Variants in KRT20 observed in about 807,000 individuals in gnomAD.
KRT20 encodes the protein keratin 20.
In KRT20, 41 loss-of-function variants were observed where a neutral mutation model predicts 43.0. The ratio of observed to expected loss-of-function variants is 0.95; its 90% CI spans 0.74 to 1.24. KRT20 has a LOEUF of 1.24. Ranked by LOEUF, KRT20 falls within the 50% of genes most tolerant of loss-of-function variation. The probability of loss-of-function intolerance (pLI) is 0.00; values close to 1 mark genes in which losing one functional copy is unlikely to be tolerated. For synonymous variants in KRT20, 207 were observed against 200.6 expected (o/e 1.03, Z -0.27); for missense variants, 533 against 521.2 (o/e 1.02, Z -0.22).
intron 3 of KRT20, 92 bp downstream of exon 3, chr17:40,880,522 C>T (rs1907547764): frequency 9.0e-6 from 10 of 1,113,504 alleles, no homozygotes; most frequent in South Asian, 7.2e-5. Context: ...ACCAACTCTT[C>T]CCCCTTCTCC....
At position 40,884,832 on chromosome 17, in the gene KRT20, A is replaced by C. The variant is rs1385183897; in HGVS notation, c.354T>G (p.Ser118Arg). The C allele has an allele frequency of 3.1e-6, 5 of 1,614,178 alleles. No individual in the cohort carries two copies. The East Asian group carries it at 6.7e-5, about 22-fold the overall frequency. The change falls in exon 1 of 8, where the codon AGT becomes AGG. Residue 118 changes from serine (S) to arginine (R), a missense_variant. By Grantham distance (110) the Ser-to-Arg change is moderately radical (BLOSUM62 -1). Coordinates refer to ENST00000167588, the MANE Select transcript of KRT20 (RefSeq NM_019010.3). ...GCTCTTCAATTTGTCTGTAATATGCACTGTAGTCGCGACCAGCCCTCGGGG... is the reference window on the plus strand; with the variant it reads ...GCTCTTCAATTTGTCTGTAATATGCCCTGTAGTCGCGACCAGCCCTCGGGG... ...TNAPRAGRDYSAYYRQIEELR... is the reference protein window; with the variant it reads ...TNAPRAGRDYRAYYRQIEELR...
chr17:40,883,760 C>A (rs920876140), intron 1 of KRT20, among the ~76,000 whole-genome samples: 6 of 152,168 alleles, frequency 3.9e-5, no homozygotes, highest in Non-Finnish European at 7.3e-5. Context: ...GTCAGAAACA[C>A]GAGACAGGTG....
chr17:40,881,719 C>T (rs979463796), intron 2 of KRT20, among the ~76,000 whole-genome samples: 1 of 152,170 alleles, frequency 6.6e-6, no homozygotes, highest in Non-Finnish European at 1.5e-5. Context: ...CCCTTCTAAC[C>T]ACAAAGGGCT....
chr17:40,882,697 A>G, intron 1 of KRT20, 43 bp from the exon 2 acceptor site: 1 of 546,122 alleles, frequency 1.8e-6, no homozygotes, highest in South Asian at 5.0e-5. Flanking sequence ...TTTTTTATTT[A>G]TTTATTTATT....
chr17:40,882,945 G>A (rs571088122), intron 1 of KRT20, among the ~76,000 whole-genome samples: 10 of 152,030 alleles, frequency 6.6e-5, no homozygotes, highest in African/African-American at 2.4e-4. Flanking sequence ...TCTGACCTCA[G>A]GTGATCTGCC....
At position 40,879,797 on chromosome 17, in the gene KRT20, G is replaced by A; in HGVS notation, c.918+16C>T. ...ACACATACTAGATTGAGAAAGAGAA[G>A]TTAGATATGCTTTACCATGCTGAGA... On this transcript the variant is annotated intron_variant, in intron 5 of 7. Coordinates refer to ENST00000167588, the MANE Select transcript of KRT20 (RefSeq NM_019010.3). The A allele has an allele frequency of 6.2e-7, 1 of 1,612,588 alleles. No homozygotes were observed. Among genetic ancestry groups the A allele is most frequent in the Non-Finnish European group, 8.5e-7 (1 of 1,179,702 alleles).
rs368517725 is a variant in KRT20 at position 40,882,663 on chromosome 17, T to C, written c.391-9A>G. On this transcript the variant is annotated splice_polypyrimidine_tract_variant and intron_variant, in intron 1 of 7. Coordinates refer to ENST00000167588, the MANE Select transcript of KRT20 (RefSeq NM_019010.3). ...AGTTGAGCATCCTTAATCTGGAAAA[T>C]ACATGAGAAAGAATGACATTTTCTT... 2.9e-5 allele frequency: 39 copies of C among 1,338,292 alleles called. No individual in the cohort carries two copies. Among genetic ancestry groups the C allele is most frequent in the Admixed American group, 9.8e-5 (4 of 40,660 alleles). 82.9% of individuals were successfully genotyped at this position (1,338,292 alleles called of 1,614,324 possible).
chr17:40,881,294 G>A (rs750818635), intron 2 of KRT20, among the ~76,000 whole-genome samples: 4 of 150,890 alleles, frequency 2.7e-5, no homozygotes, highest in Non-Finnish European at 5.9e-5. Flanking sequence ...TGTCACTCAG[G>A]CTGGAGTACA....
At position 40,884,659 on chromosome 17, in the gene KRT20, A is replaced by G. The variant is rs1907727673; in HGVS notation, c.390+137T>C. 4.3e-6 allele frequency: 4 copies of G among 930,746 alleles called. No homozygotes were observed. In the East Asian group the frequency reaches 1.0e-4, roughly 23 times the overall value. 57.7% of individuals were successfully genotyped at this position (930,746 alleles called of 1,614,324 possible). The stretch of plus-strand genomic sequence containing the variant: ...TCAGGTACTCCAGCACTAAAGGTAG[A>G]TGAAAGAATTTTTATAGATGTAACA... On this transcript the variant is annotated intron_variant, in intron 1 of 7. Transcript: ENST00000167588.
Position 40,885,002 on chromosome 17 carries a change from C to T in KRT20, c.184G>A (p.Gly62Ser), listed in dbSNP as rs1422088148. 1.9e-6 allele frequency: 3 copies of T among 1,614,182 alleles called. No individual in the cohort carries two copies. The highest frequency in any genetic ancestry group is 1.7e-5 in the Admixed American group (1 of 60,018). The change falls in exon 1 of 8, where the codon GGC (glycine) becomes AGC (serine). Residue 62 changes from glycine to serine, a missense_variant. By Grantham distance (56) the Gly-to-Ser change is moderately conservative. Coordinates refer to ENST00000167588, the MANE Select transcript of KRT20 (RefSeq NM_019010.3). Reference sequence around the variant, plus strand: ...TCATTGCCAACAAACAGGTCCCCGCCGCCTGTGAGATCGCTCCCATAGTTC... The same window carrying T: ...TCATTGCCAACAAACAGGTCCCCGCTGCCTGTGAGATCGCTCCCATAGTTC... Reference protein sequence around the residue: ...TVNYGSDLTGGGDLFVGNEKM... With the variant: ...TVNYGSDLTGSGDLFVGNEKM...
intron 1 of KRT20, among the ~76,000 whole-genome samples, chr17:40,883,832 A>C (rs1907698968): frequency 6.6e-6 from 1 of 152,214 alleles, no homozygotes; most frequent in South Asian, 2.1e-4. Flanking sequence ...AGGGCTATTT[A>C]AATGCCATTG....
chr17:40,879,454 G>A (rs765794523), intron 5 of KRT20, among the ~76,000 whole-genome samples: 2 of 152,086 alleles, frequency 1.3e-5, no homozygotes, highest in Admixed American at 6.6e-5. Context: ...ATGGGTATTA[G>A]GTTTAATACC....
intron 1 of KRT20, among the ~76,000 whole-genome samples, chr17:40,883,770 G>A (rs1907696161): frequency 6.6e-6 from 1 of 152,222 alleles, no homozygotes; most frequent in South Asian, 2.1e-4. Context: ...CGAGACAGGT[G>A]TGGTTCGAAC....
At chr17:40,884,770 T>TA in intron 1 of KRT20, 26 bp downstream of exon 1, 1 of 1,594,498 alleles carries the variant, frequency 6.3e-7, no homozygotes, top group Non-Finnish European at 8.6e-7. Flanking sequence ...AAACACAGAG[T>TA]AGGAAACACA....
intron 1 of KRT20, among the ~76,000 whole-genome samples, chr17:40,884,342 A>G (rs1489148673): frequency 6.6e-6 from 1 of 152,226 alleles, no homozygotes; most frequent in East Asian, 1.9e-4. Flanking sequence ...TTAAATCTGC[A>G]GTACAGTATT....
At chr17:40,879,421 G>A (rs1907488048) in intron 5 of KRT20, among the ~76,000 whole-genome samples, 1 of 152,162 alleles carries the variant, frequency 6.6e-6, no homozygotes, top group South Asian at 2.1e-4. Flanking sequence ...TAGGAGGAGG[G>A]AGAGGATCAG....
intron 5 of KRT20, among the ~76,000 whole-genome samples, chr17:40,878,670 A>G (rs1907456386): frequency 6.6e-6 from 1 of 152,150 alleles, no homozygotes; most frequent in African/African-American, 2.4e-5. Context: ...TCACTCCTTC[A>G]TCAGACCTGG....
At chr17:40,877,467 T>C in intron 6 of KRT20, 50 bp from the exon 7 acceptor site, 2 of 1,233,982 alleles carry the variant, frequency 1.6e-6, no homozygotes, top group South Asian at 3.1e-5. Flanking sequence ...AAAAAAGCAT[T>C]ATTGCTGTTT....
intron 1 of KRT20, among the ~76,000 whole-genome samples, chr17:40,883,230 T>C (rs1907677630): frequency 6.6e-6 from 1 of 152,252 alleles, no homozygotes; most frequent in South Asian, 2.1e-4. Flanking sequence ...AAGGATAATT[T>C]AACTCAACTT....
Sources: gnomAD v4.1 joint callset for allele counts (sites outside exome capture counted in the v4.1 genomes callset) on GRCh38, gnomAD v4.1.1 for gene constraint, MANE v1.5 for transcripts, NCBI Gene and HGNC (gene_info 2026-07-23, HGNC 2026-07-21) for gene names.